The following CCDC150 variants were observed in gnomAD, a reference collection of about 807,000 sequenced individuals.
The protein encoded by CCDC150 is coiled-coil domain-containing protein 150.
Under a neutral mutation model 156.5 loss-of-function variants are expected in CCDC150, and 151 were observed. The ratio of observed to expected loss-of-function variants is 0.97; its 90% CI spans 0.85 to 1.10. The LOEUF (loss-of-function observed/expected upper bound fraction) is 1.10. Ranked by LOEUF, CCDC150 falls within the 50% of genes least tolerant of loss-of-function variation. The probability of loss-of-function intolerance (pLI) is 0.00; values close to 1 mark genes in which losing one functional copy is unlikely to be tolerated. For missense variants in CCDC150, 1,312 were observed against 1,268.1 expected, an observed-to-expected ratio of 1.03 and a Z score of -0.53; for synonymous variants, 452 against 429.4, an observed-to-expected ratio of 1.05 and a Z score of -0.65.
chr2:196,669,930 C>G lies in CCDC150; in HGVS notation c.936+54C>G, dbSNP rs1694101862. 39 of 1,297,396 alleles carry G rather than the reference C, an allele frequency of 3.0e-5. 1 individual carries two copies. The South Asian group carries it at 4.9e-4, about 16-fold the overall frequency. The allele number at this position is 1,297,396 out of a possible 1,614,324, so 80.4% of individuals were successfully genotyped here. A position where few individuals can be genotyped will look rare whatever the true frequency, so the allele number is the denominator to read the frequency against. ...GTGGTCTTTCCTCTCTTCACTAAGT[C>G]CTATTTCCTCTTCCATGTTGGCTTA... On this transcript the variant is annotated intron_variant, in intron 8 of 27. Coordinates refer to ENST00000389175, the MANE Select transcript of CCDC150 (RefSeq NM_001080539.2).
rs147199552 is a variant in CCDC150, at chr2:196,709,142, A to G, written c.1696-3003A>G. The stretch of plus-strand genomic sequence containing the variant: ...CTCCCTGTCACTTTCAGGTACACCA[A>G]TCAAACGTAGATTTGGTCATTTTAC... On this transcript the variant is annotated intron_variant, in intron 15 of 27. Coordinates refer to ENST00000389175, the MANE Select transcript of CCDC150 (RefSeq NM_001080539.2). Among the ~76,000 whole-genome samples, 151 of 152,308 alleles carry G rather than the reference A, an allele frequency of 9.9e-4. No individual in the cohort carries two copies. In the East Asian group the frequency reaches 0.019, roughly 19 times the overall value.
chr2:196,694,504 G>C (rs1435143067), intron 13 of CCDC150, among the ~76,000 whole-genome samples: 1 of 152,142 alleles, frequency 6.6e-6, no homozygotes, highest in Non-Finnish European at 1.5e-5. Flanking sequence ...GGAAAAGAGA[G>C]AAAAAGGGTT....
At chr2:196,710,922 A>C (rs980259783) in intron 15 of CCDC150, among the ~76,000 whole-genome samples, 1 of 152,068 alleles carries the variant, frequency 6.6e-6, no homozygotes, top group Admixed American at 6.6e-5. Flanking sequence ...TATGTCTGAA[A>C]GATTTCCAGC....
intron 1 of CCDC150, among the ~76,000 whole-genome samples, chr2:196,644,245 G>A (rs1692403633): frequency 1.3e-5 from 2 of 152,106 alleles, no homozygotes; most frequent in Non-Finnish European, 2.9e-5. Context: ...TTTGGAGAGA[G>A]GACAAAGGAG....
intron 13 of CCDC150, among the ~76,000 whole-genome samples, chr2:196,682,587 A>G (rs1694904579): frequency 6.6e-6 from 1 of 152,084 alleles, no homozygotes; most frequent in Non-Finnish European, 1.5e-5. Flanking sequence ...AATTTGTTGT[A>G]TATTTTCTGT....
chr2:196,711,662 C>T (rs1559265416), intron 15 of CCDC150, among the ~76,000 whole-genome samples: 1 of 151,996 alleles, frequency 6.6e-6, no homozygotes, highest in Non-Finnish European at 1.5e-5. Context: ...TCCATTTATT[C>T]AACTTTTATA....
chr2:196,646,459 G>T lies in CCDC150; in HGVS notation c.131G>T (p.Ser44Ile), dbSNP rs767998042. 4 of 1,613,662 alleles carry T rather than the reference G, an allele frequency of 2.5e-6. No homozygotes were observed. In the African/African-American group the frequency reaches 4.0e-5, roughly 16 times the overall value. ...QRMRIVEEQT[S>I]SLRDDLIMLD... ...ATGAGAATAGTTGAGGAACAGACCA[G>T]TTCACTGAGGGATGACCTAATAATG... The change falls in exon 2 of 28, where the codon AGT (serine) becomes ATT (isoleucine). Residue 44 changes from serine (S) to isoleucine (I), a missense_variant. Physicochemically the swap from Ser to Ile is moderately radical, Grantham distance 142. Coordinates refer to ENST00000389175, the MANE Select transcript of CCDC150 (RefSeq NM_001080539.2).
intron 1 of CCDC150, among the ~76,000 whole-genome samples, chr2:196,642,820 G>A (rs1031062212): frequency 2.6e-5 from 4 of 152,138 alleles, no homozygotes; most frequent in African/African-American, 7.2e-5. Context: ...GCTCACTGCA[G>A]CCTCTACCTC....
In CCDC150 at chr2:196,653,976, G is replaced by A. The variant is rs373130325; in HGVS notation, c.177-2657G>A. Among the ~76,000 whole-genome samples, 17 of 152,222 alleles carry A rather than the reference G, an allele frequency of 1.1e-4. No individual in the cohort carries two copies. The East Asian group carries it at 3.3e-3, about 29-fold the overall frequency. ...GGTGGAAGGCAAAGGGGGAGCAGGT[G>A]AAGAAGAAGAAGTGAGAGAGGAAGT... On this transcript the variant is annotated intron_variant, in intron 2 of 27. Transcript: ENST00000389175.
At chr2:196,662,568 G>T (rs555941237) in intron 5 of CCDC150, among the ~76,000 whole-genome samples, 1 of 152,166 alleles carries the variant, frequency 6.6e-6, no homozygotes, top group South Asian at 2.1e-4. Flanking sequence ...AGCCCAGGTG[G>T]TAGAGCTGGT....
rs781642729 is a variant in CCDC150, at chr2:196,657,041, C to T, written c.481C>T (p.Arg161Cys). 26 of 1,613,540 alleles carry T rather than the reference C, an allele frequency of 1.6e-5. No homozygotes were observed. In the South Asian group the frequency reaches 1.6e-4, roughly 10 times the overall value. The change falls in exon 4 of 28, where the codon CGC (arginine) becomes TGC (cysteine). Residue 161 changes from arginine (R) to cysteine (C), a missense_variant. Physicochemically the swap from Arg to Cys is radical, Grantham distance 180. Transcript: ENST00000389175. ...GTTGCATCTCGAAGTTATGAATTTG[C>T]GCCAGCAACTGAGAGCTGTAAAAGA... ...KLLHLEVMNL[R>C]QQLRAVKEEE...
intron 12 of CCDC150, 71 bp from the exon 13 acceptor site, chr2:196,677,222 G>T: frequency 1.1e-6 from 1 of 941,870 alleles, no homozygotes; most frequent in South Asian, 1.4e-5. Flanking sequence ...CAGGATATGT[G>T]TGCTATAGTG....
In CCDC150 at chr2:196,689,407, C is replaced by T. The variant is rs1274838964; in HGVS notation, c.1510-5639C>T. Among the ~76,000 whole-genome samples, 11 of 151,260 alleles carry T rather than the reference C, an allele frequency of 7.3e-5. No homozygotes were observed. The South Asian group carries it at 2.3e-3, about 32-fold the overall frequency. The stretch of plus-strand genomic sequence containing the variant: ...GAATGTTCTTCCATTTGTTTGTATC[C>T]TCTTTTATTTCATTGAGCAGTGGTT... On this transcript the variant is annotated intron_variant, in intron 13 of 27. Coordinates refer to ENST00000389175, the MANE Select transcript of CCDC150 (RefSeq NM_001080539.2).
chr2:196,695,001 G>T, intron 13 of CCDC150, 45 bp from the exon 14 acceptor site: 1 of 955,922 alleles, frequency 1.0e-6, no homozygotes, highest in African/African-American at 1.7e-5. Context: ...AATACTTTTT[G>T]CATCTGGCGT....
intron 2 of CCDC150, among the ~76,000 whole-genome samples, chr2:196,648,856 G>A (rs545079082): frequency 1.3e-5 from 2 of 152,136 alleles, no homozygotes; most frequent in African/African-American, 2.4e-5. Context: ...TCTTCTGTAT[G>A]TGGATAGTCA....
chr2:196,639,903 C>G, intron 1 of CCDC150, 125 bp downstream of exon 1: 4 of 856,474 alleles, frequency 4.7e-6, no homozygotes, highest in Non-Finnish European at 6.5e-6. Context: ...GTCTCACTCC[C>G]TGGACCTCAG....
At chr2:196,709,550 G>A (rs916414345) in intron 15 of CCDC150, among the ~76,000 whole-genome samples, 2 of 152,150 alleles carry the variant, frequency 1.3e-5, no homozygotes, top group Admixed American at 6.5e-5. Flanking sequence ...TTCCGTTGCT[G>A]GTGAGGAGCT....
intron 7 of CCDC150, chr2:196,667,618 A>G (rs2125599830): frequency 6.6e-6 from 1 of 152,398 alleles, no homozygotes; most frequent in African/African-American, 2.4e-5. Flanking sequence ...TTCCAGAGTT[A>G]CAAAAGGAAA....
chr2:196,687,081 T>A (rs1166689101), intron 13 of CCDC150, among the ~76,000 whole-genome samples: 1 of 152,176 alleles, frequency 6.6e-6, no homozygotes, highest in Non-Finnish European at 1.5e-5. Context: ...CACACATGCA[T>A]GTATCTTTAT....
Sources: allele counts gnomAD v4.1 joint callset (sites outside exome capture counted in the v4.1 genomes callset), GRCh38; gene constraint gnomAD v4.1.1; transcripts MANE v1.5; gene names NCBI Gene and HGNC (gene_info 2026-07-23, HGNC 2026-07-21).